Variants in PARD3B observed in about 807,000 individuals in gnomAD.
PARD3B encodes par-3 family cell polarity regulator beta.
In PARD3B, 103 loss-of-function variants were observed where a neutral mutation model predicts 130.2. The ratio of observed to expected loss-of-function variants is 0.79; its 90% CI spans 0.67 to 0.93. The LOEUF (loss-of-function observed/expected upper bound fraction) is 0.93, where lower values mean the gene tolerates loss of function less well. Ranked by LOEUF, PARD3B falls within the 40% of genes least tolerant of loss-of-function variation. The probability of loss-of-function intolerance (pLI) is 0.00; values close to 1 mark genes in which losing one functional copy is unlikely to be tolerated. For missense variants in PARD3B, 1,609 were observed against 1,499.2 expected, an observed-to-expected ratio of 1.07 and a Z score of -1.21; for synonymous variants, 583 against 553.2, an observed-to-expected ratio of 1.05 and a Z score of -0.76.
rs4673336 is a variant in PARD3B, at chr2:205,616,849, A to G, written c.*1036A>G. On this transcript the variant is annotated 3_prime_UTR_variant, in exon 23 of 23. Transcript: ENST00000406610. ...ACTCGGGGACAGCGAGGAGCTGACCATGGCCTCTGATGACCAGCAGGTATT... is the reference window on the plus strand; with the variant it reads ...ACTCGGGGACAGCGAGGAGCTGACCGTGGCCTCTGATGACCAGCAGGTATT... The G allele has an allele frequency of 0.73, 112,714 of 153,710 alleles. 41,797 individuals are homozygous for G. The highest frequency in any genetic ancestry group is 1 in the East Asian group (5,143 of 5,150). The allele number at this position is 153,710 out of a possible 1,614,324, so 9.5% of individuals were successfully genotyped here.
intron 2 of PARD3B, among the ~76,000 whole-genome samples, chr2:204,763,031 A>G (rs569152819): frequency 1.5e-3 from 225 of 152,270 alleles, no homozygotes; most frequent in Non-Finnish European, 2.5e-3. Flanking sequence ...AAGTGCTGGG[A>G]TTACATGCGT....
At chr2:205,393,003 A>C (rs1385485081) in intron 18 of PARD3B, among the ~76,000 whole-genome samples, 1 of 152,166 alleles carries the variant, frequency 6.6e-6, no homozygotes, top group Non-Finnish European at 1.5e-5. Flanking sequence ...TTTTCACTGA[A>C]TTTTTATCAG....
chr2:205,293,821 C>T (rs532144350), intron 16 of PARD3B: 1 of 152,146 alleles, frequency 6.6e-6, no homozygotes, highest in Non-Finnish European at 1.5e-5. Flanking sequence ...TGTAAGTACC[C>T]TTTACCTTCA....
chr2:205,329,626 A>G (rs2043044531), intron 18 of PARD3B, among the ~76,000 whole-genome samples: 1 of 152,226 alleles, frequency 6.6e-6, no homozygotes, highest in Admixed American at 6.5e-5. Context: ...GGTAGGCTAG[A>G]GTTTTGAGAA....
intron 16 of PARD3B, among the ~76,000 whole-genome samples, chr2:205,251,471 G>C (rs2125929841): frequency 6.6e-6 from 1 of 152,250 alleles, no homozygotes; most frequent in Non-Finnish European, 1.5e-5. Flanking sequence ...CAAATCCAGA[G>C]TGTTCAAATG....
At chr2:205,040,692 C>A (rs1284183260) in intron 3 of PARD3B, among the ~76,000 whole-genome samples, 1 of 152,158 alleles carries the variant, frequency 6.6e-6, no homozygotes, top group Non-Finnish European at 1.5e-5. Flanking sequence ...TAGCCACTTG[C>A]AGTTTACTTT....
chr2:205,173,579 A>G (rs1277088141), intron 12 of PARD3B, among the ~76,000 whole-genome samples: 1 of 152,214 alleles, frequency 6.6e-6, no homozygotes, highest in Non-Finnish European at 1.5e-5. Context: ...TATATACTCT[A>G]TCTTACTTTA....
chr2:204,552,295 C>A (rs1362492647), intron 1 of PARD3B, among the ~76,000 whole-genome samples: 2 of 152,170 alleles, frequency 1.3e-5, no homozygotes, highest in Non-Finnish European at 2.9e-5. Flanking sequence ...CACCTAGACA[C>A]TAGCACAAAA....
At chr2:205,016,842 C>T (rs983880492) in intron 3 of PARD3B, among the ~76,000 whole-genome samples, 1 of 152,180 alleles carries the variant, frequency 6.6e-6, no homozygotes, top group Non-Finnish European at 1.5e-5. Context: ...AATGGCCACA[C>T]ATTCTGCTCT....
In PARD3B at chr2:205,458,758, T is replaced by C. The variant is rs1380599968; in HGVS notation, c.3044+18086T>C. On this transcript the variant is annotated intron_variant, in intron 20 of 22. Coordinates refer to ENST00000406610, the MANE Select transcript of PARD3B (RefSeq NM_001302769.2). This position sits in a 1 kb window ranked among gnomAD's most constrained non-coding sequence, Gnocchi z 4.8. ...AGTCATTTGGTCTTATCTCCTGGTA[T>C]GCATATTTTTGATCAAATGCTAGAC... Among the ~76,000 whole-genome samples, 4 of 152,170 alleles carry C rather than the reference T, an allele frequency of 2.6e-5. No homozygotes were observed. Among genetic ancestry groups the C allele is most frequent in the South Asian group, 2.1e-4 (1 of 4,832 alleles).
chr2:205,503,933 G>A (rs1245450611), intron 21 of PARD3B, among the ~76,000 whole-genome samples: 1 of 152,140 alleles, frequency 6.6e-6, no homozygotes, highest in Non-Finnish European at 1.5e-5. Context: ...TCTCTTTGAA[G>A]CAATTGTGAA....
intron 14 of PARD3B, among the ~76,000 whole-genome samples, chr2:205,192,851 G>C (rs1378457071): frequency 1.3e-5 from 2 of 152,122 alleles, no homozygotes; most frequent in African/African-American, 4.8e-5. Flanking sequence ...ACCTGCTTTT[G>C]GGCTCTGCTA....
rs1288270511 is a variant in PARD3B, at chr2:204,623,381, T to C, written c.121-62800T>C. On this transcript the variant is annotated intron_variant, in intron 1 of 22. Transcript: ENST00000406610. The surrounding 1 kb of genome is among the most constrained non-coding windows in gnomAD (Gnocchi z 4.5). ...ATCAAGATAAGGAACTATTCTACCA[T>C]ATTCTACCATCACAAAAACCTCCCT... is the stretch of plus-strand genomic sequence containing the variant. 6.6e-6 allele frequency among the ~76,000 whole-genome samples: 1 copy of C among 152,130 alleles called. No individual in the cohort carries two copies. Among genetic ancestry groups the C allele is most frequent in the African/African-American group, 2.4e-5 (1 of 41,460 alleles).
chr2:204,782,379 T>C (rs1356526624), intron 2 of PARD3B, among the ~76,000 whole-genome samples: 1 of 23,144 alleles, frequency 4.3e-5, no homozygotes, highest in Non-Finnish European at 1.5e-4. Context: ...CCATCACATA[T>C]GTATTACATA....
chr2:204,809,977 G>A (rs1279884320), intron 2 of PARD3B, among the ~76,000 whole-genome samples: 1 of 152,008 alleles, frequency 6.6e-6, no homozygotes, highest in Non-Finnish European at 1.5e-5. Context: ...TGTATTTCTA[G>A]GTATTGTATT....
intron 22 of PARD3B, among the ~76,000 whole-genome samples, chr2:205,577,494 C>T (rs2053803042): frequency 6.6e-6 from 1 of 152,088 alleles, no homozygotes; most frequent in Non-Finnish European, 1.5e-5. Flanking sequence ...GGATTTGATG[C>T]ACTGCGGGTG....
In PARD3B at chr2:204,831,867, G is replaced by C. The variant is rs115675204; in HGVS notation, c.223-133285G>C. Among the ~76,000 whole-genome samples the C allele has an allele frequency of 8.4e-3, 1,282 of 152,126 alleles. 17 individuals carry two copies. The highest frequency in any genetic ancestry group is 0.03 in the African/African-American group (1,229 of 41,476). ...TACTGAACAGAGTTTGTGACAATGGGTATATGAACTCCTGAGTATATGCAG... is the reference window on the plus strand; with the variant it reads ...TACTGAACAGAGTTTGTGACAATGGCTATATGAACTCCTGAGTATATGCAG... On this transcript the variant is annotated intron_variant, in intron 2 of 22. Coordinates refer to ENST00000406610, the MANE Select transcript of PARD3B (RefSeq NM_001302769.2).
chr2:205,362,831 C>T (rs920047549), intron 18 of PARD3B, among the ~76,000 whole-genome samples: 1 of 152,174 alleles, frequency 6.6e-6, no homozygotes, highest in Non-Finnish European at 1.5e-5. Context: ...AGCCGGCTTG[C>T]CTGACTTCTG....
intron 20 of PARD3B, among the ~76,000 whole-genome samples, chr2:205,479,618 CA>C (rs1278319404): frequency 6.6e-6 from 1 of 152,196 alleles, no homozygotes; most frequent in African/African-American, 2.4e-5. Context: ...GCTTCGTGAC[CA>C]TTACCTAGGC....
Sources: allele counts gnomAD v4.1 joint callset (sites outside exome capture counted in the v4.1 genomes callset), GRCh38; gene constraint gnomAD v4.1.1; non-coding constraint Gnocchi (gnomAD v3.1); transcripts MANE v1.5; gene names NCBI Gene and HGNC (gene_info 2026-07-23, HGNC 2026-07-21).